TAC3: variants seen among roughly 807,000 people sequenced by gnomAD.
TAC3 encodes the protein tachykinin precursor 3, also known as tachykinin-3.
Under a neutral mutation model 16.5 loss-of-function variants are expected in TAC3, and 9 were observed. That is an observed-to-expected ratio of 0.55 (90% confidence interval 0.33 to 0.95). The LOEUF is 0.95. Among genes scored for constraint, TAC3 ranks in the 40% least tolerant of loss-of-function variants. The probability of loss-of-function intolerance (pLI) is 0.03; values close to 1 mark genes in which losing one functional copy is unlikely to be tolerated. For missense variants in TAC3, 129 were observed against 149.1 expected (o/e 0.87, Z 0.70); for synonymous variants, 52 against 56.7 (o/e 0.92, Z 0.37).
rs1328875218 is a variant in TAC3, at chr12:57,013,626, G to A, written c.160C>T (p.His54Tyr). The A allele has an allele frequency of 2.1e-5, 34 of 1,613,506 alleles. No homozygotes were observed. Among genetic ancestry groups the A allele is most frequent in the Non-Finnish European group, 2.9e-5 (34 of 1,179,944 alleles). ...YQLLQRLFKS[H>Y]SSLEGLLKAL... ...TTGAGCAATCCCTCCAGAGATGAGT[G>A]GCTTTTGAAGAGTCTCTGGAGCAGC... The change falls in exon 3 of 7, where the codon CAC becomes TAC. Residue 54 changes from histidine (H) to tyrosine (Y), a missense_variant. His to Tyr is a moderately conservative substitution (Grantham distance 83, BLOSUM62 2). Coordinates refer to ENST00000458521, the MANE Select transcript of TAC3 (RefSeq NM_013251.4).
chr12:57,013,484 T>TCCCCC, intron 3 of TAC3, 94 bp downstream of exon 3: 2 of 1,589,288 alleles, frequency 1.3e-6, no homozygotes, highest in Non-Finnish European at 1.7e-6. Context: ...CACTAAGCTA[T>TCCCCC]CCCCCATCTC....
Position 57,013,606 on chromosome 12 carries a change from C to T in TAC3, c.180G>A (p.Leu60=). The change falls in exon 3 of 7, where the codon TTG becomes TTA. Residue 60 remains leucine (L), a synonymous_variant. Transcript: ENST00000458521. ...TGCTAGCCTGGCTCAGGGCTTTGAG[C>T]AATCCCTCCAGAGATGAGTGGCTTT... is the stretch of plus-strand genomic sequence containing the variant. ...LFKSHSSLEG[L]LKALSQASTD... 6.2e-7 allele frequency: 1 copy of T among 1,613,672 alleles called. No individual in the cohort carries two copies. Among genetic ancestry groups the T allele is most frequent in the Non-Finnish European group, 8.5e-7 (1 of 1,179,962 alleles).
At position 57,013,568 on chromosome 12, in the gene TAC3, C is replaced by T. The variant is rs200211537; in HGVS notation, c.208+10G>A. 2.3e-5 allele frequency: 37 copies of T among 1,612,418 alleles called. No individual in the cohort carries two copies. Among genetic ancestry groups the T allele is most frequent in the Non-Finnish European group, 2.7e-5 (32 of 1,179,516 alleles). On this transcript the variant is annotated intron_variant, in intron 3 of 6. Coordinates refer to ENST00000458521, the MANE Select transcript of TAC3 (RefSeq NM_013251.4). ...CCCTCATTCCCCTCTCCCCTAGGGCCGCCTCCTACCTGTGCTAGCCTGGCT... is the reference window on the plus strand; with the variant it reads ...CCCTCATTCCCCTCTCCCCTAGGGCTGCCTCCTACCTGTGCTAGCCTGGCT...
At chr12:57,011,803 C>T (rs1956301293) in intron 6 of TAC3, among the ~76,000 whole-genome samples, 1 of 152,200 alleles carries the variant, frequency 6.6e-6, no homozygotes, top group African/African-American at 2.4e-5. Context: ...CCAGGATTCA[C>T]ATTCAGGCCA....
intron 2 of TAC3, among the ~76,000 whole-genome samples, chr12:57,014,953 G>A (rs1410798605): frequency 2.0e-5 from 3 of 152,132 alleles, no homozygotes; most frequent in South Asian, 4.1e-4. Flanking sequence ...CATTTGTACC[G>A]ATGTAATTGC....
rs767550073 is a variant in TAC3, at chr12:57,012,832, G to A, written c.282C>T (p.Ser94=). ...DFFVGLMGKR[S]VQPDSPTDVN... ...TCCACACACTCCTACCTGGCTGGACGCTCCTCTTGCCCATAAGTCCCACAA... is the reference window on the plus strand; with the variant it reads ...TCCACACACTCCTACCTGGCTGGACACTCCTCTTGCCCATAAGTCCCACAA... Residue 94 remains serine (S), a synonymous_variant, in exon 5 of 7, where the codon AGC becomes AGT. Transcript: ENST00000458521. The A allele has an allele frequency of 8.7e-6, 14 of 1,613,930 alleles. No homozygotes were observed. Among genetic ancestry groups the A allele is most frequent in the Admixed American group, 5.0e-5 (3 of 60,002 alleles).
In TAC3 at chr12:57,010,192, A is replaced by G. The variant is rs1956278534; in HGVS notation, c.*98T>C. The stretch of plus-strand genomic sequence containing the variant: ...GTCAAAGCACAAGAATGTTACAAGA[A>G]CAGGGAAGAGAAAGGGTAACAGGAG... On this transcript the variant is annotated 3_prime_UTR_variant, in exon 7 of 7. Coordinates refer to ENST00000458521, the MANE Select transcript of TAC3 (RefSeq NM_013251.4). The G allele has an allele frequency of 2.2e-6, 1 of 453,998 alleles. No homozygotes were observed. The highest frequency in any genetic ancestry group is 1.6e-5 in the South Asian group (1 of 64,480). 28.1% of individuals were successfully genotyped at this position (453,998 alleles called of 1,614,324 possible). A position where few individuals can be genotyped will look rare whatever the true frequency, so the allele number is the denominator to read the frequency against.
intron 4 of TAC3, 86 bp from the exon 5 acceptor site, chr12:57,012,961 G>A: frequency 6.5e-7 from 1 of 1,541,696 alleles, no homozygotes; most frequent in Non-Finnish European, 9.0e-7. Flanking sequence ...CTGAGACTGG[G>A]TTTCTGGTCT....
chr12:57,015,734 C>A lies in TAC3; in HGVS notation c.64G>T (p.Val22Phe), dbSNP rs1205690995. Residue 22 changes from valine (V) to phenylalanine (F), a missense_variant, in exon 2 of 7, where the codon GTC becomes TTC. Val to Phe is a conservative substitution (Grantham distance 50, BLOSUM62 -1). Coordinates refer to ENST00000458521, the MANE Select transcript of TAC3 (RefSeq NM_013251.4). ...ACCTCCTCCTGTGGCTCCTTACAGACAGCCCCAAAGCTCTGAGCTAGGCTG... is the reference window on the plus strand; with the variant it reads ...ACCTCCTCCTGTGGCTCCTTACAGAAAGCCCCAAAGCTCTGAGCTAGGCTG... Reference protein sequence around the residue: ...AFSLAQSFGAVCKEPQEEVVP... With the variant: ...AFSLAQSFGAFCKEPQEEVVP... The A allele has an allele frequency of 1.2e-6, 2 of 1,614,056 alleles. No homozygotes were observed. The highest frequency in any genetic ancestry group is 1.7e-6 in the Non-Finnish European group (2 of 1,180,030).
Position 57,010,276 on chromosome 12 carries a change from C to A in TAC3, c.*14G>T. 2 of 440,542 alleles carry A rather than the reference C, an allele frequency of 4.5e-6. No homozygotes were observed. Among genetic ancestry groups the A allele is most frequent in the Non-Finnish European group, 9.1e-6 (2 of 218,908 alleles). 27.3% of individuals were successfully genotyped at this position (440,542 alleles called of 1,614,324 possible). A position where few individuals can be genotyped will look rare whatever the true frequency, so the allele number is the denominator to read the frequency against. ...GTCTTCCTAATGCAGTCCAGGAGTCCGGAAGTGGAGTACTGAGGACAAAAA... is the reference window on the plus strand; with the variant it reads ...GTCTTCCTAATGCAGTCCAGGAGTCAGGAAGTGGAGTACTGAGGACAAAAA... On this transcript the variant is annotated 3_prime_UTR_variant, in exon 7 of 7. Transcript: ENST00000458521.
chr12:57,012,790 A>G, intron 5 of TAC3, 32 bp downstream of exon 5: 1 of 1,614,086 alleles, frequency 6.2e-7, no homozygotes. Flanking sequence ...CAGTACCCTA[A>G]GCCCTTCCAC....
chr12:57,012,912 G>T, intron 4 of TAC3, 37 bp from the exon 5 acceptor site: 1 of 1,613,564 alleles, frequency 6.2e-7, no homozygotes, highest in South Asian at 1.1e-5. Flanking sequence ...CAGTGATGAT[G>T]AGAAAGTGAA....
At chr12:57,012,934 G>C (rs1592457768) in intron 4 of TAC3, 59 bp from the exon 5 acceptor site, 1 of 1,603,876 alleles carries the variant, frequency 6.2e-7, no homozygotes, top group Non-Finnish European at 8.5e-7. Flanking sequence ...CATCTCCCCA[G>C]ACATGGGTCA....
intron 5 of TAC3, 178 bp downstream of exon 5, chr12:57,012,644 G>C: frequency 6.2e-7 from 1 of 1,613,072 alleles, no homozygotes; most frequent in Non-Finnish European, 8.5e-7. Flanking sequence ...CTGCTCCTCT[G>C]TTCCCAGGGA....
chr12:57,011,501 T>TA (rs1442350274), intron 6 of TAC3, among the ~76,000 whole-genome samples: 1 of 152,202 alleles, frequency 6.6e-6, no homozygotes, highest in Non-Finnish European at 1.5e-5. Context: ...GGGGGACTCT[T>TA]ACACTCGCAT....
At chr12:57,014,014 C>T (rs968806331) in intron 2 of TAC3, among the ~76,000 whole-genome samples, 3 of 152,308 alleles carry the variant, frequency 2.0e-5, no homozygotes, top group Middle Eastern at 3.4e-3. Flanking sequence ...CCACTCTGCA[C>T]GATGTCCATG....
chr12:57,012,166 C>A, intron 6 of TAC3: 1 of 583,702 alleles, frequency 1.7e-6, no homozygotes, highest in East Asian at 3.0e-5. Flanking sequence ...GTCCATGATC[C>A]AGAGGAAAGA....
In TAC3 at chr12:57,010,266, T is replaced by C. The variant is rs1565632367; in HGVS notation, c.*24A>G. 2.2e-6 allele frequency: 1 copy of C among 449,174 alleles called. No individual in the cohort carries two copies. The allele number at this position is 449,174 out of a possible 1,614,324, so 27.8% of individuals were successfully genotyped here. A position where few individuals can be genotyped will look rare whatever the true frequency, so the allele number is the denominator to read the frequency against. On this transcript the variant is annotated 3_prime_UTR_variant, in exon 7 of 7. Coordinates refer to ENST00000458521, the MANE Select transcript of TAC3 (RefSeq NM_013251.4). Reference sequence around the variant, plus strand: ...AGGGAAAGAGGTCTTCCTAATGCAGTCCAGGAGTCCGGAAGTGGAGTACTG... The same window carrying C: ...AGGGAAAGAGGTCTTCCTAATGCAGCCCAGGAGTCCGGAAGTGGAGTACTG...
intron 5 of TAC3, 154 bp from the exon 6 acceptor site, chr12:57,012,606 C>A: frequency 6.2e-7 from 1 of 1,612,300 alleles, no homozygotes; most frequent in Non-Finnish European, 8.5e-7. Context: ...TTCCTCCCAG[C>A]TGCAACAGGA....
Sources: gnomAD v4.1 joint callset for allele counts (sites outside exome capture counted in the v4.1 genomes callset) on GRCh38, gnomAD v4.1.1 for gene constraint, MANE v1.5 for transcripts, NCBI Gene and HGNC (gene_info 2026-07-23, HGNC 2026-07-21) for gene names.